The following CCDC50 variants were observed in gnomAD, a reference collection of about 807,000 sequenced individuals.
The protein encoded by CCDC50 is coiled-coil domain-containing protein 50.
A neutral mutation model predicts 70.2 loss-of-function variants in CCDC50; 54 were observed. That is an observed-to-expected ratio of 0.77 (90% CI 0.62 to 0.96). The LOEUF is 0.96. Ranked by LOEUF, CCDC50 falls within the 50% of genes least tolerant of loss-of-function variation. The probability of loss-of-function intolerance (pLI) is 0.00; values close to 1 mark genes in which losing one functional copy is unlikely to be tolerated. For synonymous variants in CCDC50, 216 were observed against 198.8 expected, an observed-to-expected ratio of 1.09 and a Z score of -0.73; for missense variants, 558 against 578.7, an observed-to-expected ratio of 0.96 and a Z score of 0.37.
chr3:191,397,682 GA>G lies in CCDC50; in HGVS notation c.*5923del, dbSNP rs1193693777. Reference sequence around the variant, plus strand: ...AATTTAGAAACGTGATCTCTTGAGAGAGAGACTACGCATTGCCTGGGCACTT... The same window carrying G: ...AATTTAGAAACGTGATCTCTTGAGAGGAGACTACGCATTGCCTGGGCACTT... On this transcript the variant is annotated 3_prime_UTR_variant, in exon 12 of 12. Coordinates refer to ENST00000392455, the MANE Select transcript of CCDC50 (RefSeq NM_178335.3). 1 of 106,098 alleles carries G rather than the reference GA, an allele frequency of 9.4e-6. No individual in the cohort carries two copies. Among genetic ancestry groups the G allele is most frequent in the Non-Finnish European group, 1.7e-5 (1 of 58,514 alleles). 6.6% of individuals were successfully genotyped at this position (106,098 alleles called of 1,614,324 possible).
At position 191,369,952 on chromosome 3, in the gene CCDC50, C is replaced by A. The variant is rs1451931877; in HGVS notation, c.364C>A (p.Gln122Lys). The A allele has an allele frequency of 1.9e-6, 3 of 1,613,326 alleles. No homozygotes were observed. Among genetic ancestry groups the A allele is most frequent in the Non-Finnish European group, 2.5e-6 (3 of 1,179,486 alleles). Residue 122 changes from glutamine to lysine, a missense_variant, in exon 5 of 12, where the codon CAG becomes AAG. Coordinates refer to ENST00000392455, the MANE Select transcript of CCDC50 (RefSeq NM_178335.3). Reference protein sequence around the residue: ...IARLLQEKELQEEKKRKKHFP... With the variant: ...IARLLQEKELKEEKKRKKHFP... ...TCGCCTTTTGCAAGAAAAGGAGTTA[C>A]AGGAAGAGAAAAAGAGAAAGAAACA...
chr3:191,336,306 A>G (rs1023064354), intron 1 of CCDC50, among the ~76,000 whole-genome samples: 1 of 152,126 alleles, frequency 6.6e-6, no homozygotes, highest in African/African-American at 2.4e-5. Flanking sequence ...GTTGTTCTGC[A>G]TCCTTGCTGG....
At chr3:191,351,010 A>AG (rs1712090795) in intron 1 of CCDC50, among the ~76,000 whole-genome samples, 1 of 140,134 alleles carries the variant, frequency 7.1e-6, no homozygotes, top group African/African-American at 2.5e-5. Flanking sequence ...GGGATGTGGC[A>AG]GGGGTTGGGA....
rs1290917937 is a variant in CCDC50, at chr3:191,396,937, C to T, written c.*5177C>T. The T allele has an allele frequency of 1.3e-5, 2 of 152,154 alleles. No homozygotes were observed. The highest frequency in any genetic ancestry group is 2.9e-5 in the Non-Finnish European group (2 of 68,024). 9.4% of individuals were successfully genotyped at this position (152,154 alleles called of 1,614,324 possible). A position where few individuals can be genotyped will look rare whatever the true frequency, so the allele number is the denominator to read the frequency against. ...GTAACATTTTAATAGATTTAAGATG[C>T]ATTTGTACATTCTCAGCAAACTAGA... On this transcript the variant is annotated 3_prime_UTR_variant, in exon 12 of 12. Coordinates refer to ENST00000392455, the MANE Select transcript of CCDC50 (RefSeq NM_178335.3).
intron 1 of CCDC50, among the ~76,000 whole-genome samples, chr3:191,346,626 CCTA>C (rs1446961524): frequency 6.6e-6 from 1 of 152,138 alleles, no homozygotes; most frequent in Non-Finnish European, 1.5e-5. Flanking sequence ...CTACAAAACA[CCTA>C]CATACACTCT....
chr3:191,380,355 A>G, intron 7 of CCDC50, 81 bp downstream of exon 7: 1 of 866,930 alleles, frequency 1.2e-6, no homozygotes, highest in Non-Finnish European at 1.9e-6. Context: ...AAATTATATT[A>G]ATAGTCCTCT....
At position 191,389,552 on chromosome 3, in the gene CCDC50, AC is replaced by A; in HGVS notation, c.1381del (p.Gln461SerfsTer41). On this transcript the variant is annotated frameshift_variant, in exon 11 of 12. Coordinates refer to ENST00000392455, the MANE Select transcript of CCDC50 (RefSeq NM_178335.3). LOFTEE classifies it high-confidence loss of function. ...GATGCGGATTACACTCATTTTACAAACCAGCAGAGTTCCACACGGCATTTCT... is the reference window on the plus strand; with the variant it reads ...GATGCGGATTACACTCATTTTACAAACAGCAGAGTTCCACACGGCATTTCT... ...GEDADYTHFTNQQSSTRHFSK... is the reference protein window; with the variant it reads ...GEDADYTHFTXQQSSTRHFSK... The A allele has an allele frequency of 6.2e-7, 1 of 1,614,078 alleles. No individual in the cohort carries two copies. Among genetic ancestry groups the A allele is most frequent in the Non-Finnish European group, 8.5e-7 (1 of 1,179,990 alleles).
At chr3:191,331,701 TG>T (rs1463464923) in intron 1 of CCDC50, among the ~76,000 whole-genome samples, 1 of 152,186 alleles carries the variant, frequency 6.6e-6, no homozygotes, top group Non-Finnish European at 1.5e-5. Context: ...CTAATGGTGG[TG>T]AAGTTTTTGA....
intron 4 of CCDC50, among the ~76,000 whole-genome samples, chr3:191,369,407 C>G (rs561080720): frequency 6.6e-6 from 1 of 152,130 alleles, no homozygotes; most frequent in East Asian, 1.9e-4. Flanking sequence ...CACTTAATGA[C>G]TGCTAAAAAT....
intron 4 of CCDC50, among the ~76,000 whole-genome samples, chr3:191,362,366 C>T (rs2108652452): frequency 6.6e-6 from 1 of 152,200 alleles, no homozygotes; most frequent in African/African-American, 2.4e-5. Context: ...CTCAAGCTGT[C>T]TTCCTGCCTC....
intron 1 of CCDC50, among the ~76,000 whole-genome samples, chr3:191,345,175 T>C (rs1019290286): frequency 9.9e-5 from 15 of 152,212 alleles, no homozygotes; most frequent in African/African-American, 3.6e-4. Context: ...CTTCTAAGAA[T>C]AGACAAGGTC....
At chr3:191,339,840 C>T (rs1349194539) in intron 1 of CCDC50, among the ~76,000 whole-genome samples, 1 of 152,152 alleles carries the variant, frequency 6.6e-6, no homozygotes, top group Non-Finnish European at 1.5e-5. Flanking sequence ...TTTTAAAAGG[C>T]ACCAGGTTGA....
intron 4 of CCDC50, among the ~76,000 whole-genome samples, chr3:191,363,106 A>T (rs1389775741): frequency 6.6e-6 from 1 of 151,730 alleles, no homozygotes; most frequent in African/African-American, 2.4e-5. Context: ...AGAGAAAAAC[A>T]GGATAGAAAG....
At chr3:191,331,078 G>GA (rs1244888238) in intron 1 of CCDC50, among the ~76,000 whole-genome samples, 1 of 152,170 alleles carries the variant, frequency 6.6e-6, no homozygotes, top group Admixed American at 6.5e-5. Flanking sequence ...CCATACTTTT[G>GA]AGAGTTCTTA....
At chr3:191,339,798 G>A (rs1711659584) in intron 1 of CCDC50, among the ~76,000 whole-genome samples, 1 of 152,206 alleles carries the variant, frequency 6.6e-6, no homozygotes, top group African/African-American at 2.4e-5. Context: ...GACTCTGTGA[G>A]AACTATTAGT....
intron 6 of CCDC50, among the ~76,000 whole-genome samples, chr3:191,376,652 G>A (rs987171749): frequency 2.0e-5 from 3 of 152,154 alleles, no homozygotes; most frequent in African/African-American, 7.2e-5. Context: ...AAGCCATTCT[G>A]AGTAGCTGCC....
chr3:191,383,416 CCT>C (rs1212017786), intron 10 of CCDC50, among the ~76,000 whole-genome samples: 2 of 149,332 alleles, frequency 1.3e-5, no homozygotes, highest in Non-Finnish European at 1.5e-5. Flanking sequence ...GGGGAAGTAA[CCT>C]CTTTTTTTTT....
intron 5 of CCDC50, among the ~76,000 whole-genome samples, chr3:191,371,876 T>TA (rs1255642140): frequency 2.6e-5 from 4 of 152,226 alleles, no homozygotes; most frequent in Admixed American, 6.5e-5. Flanking sequence ...AGCAAAGTGT[T>TA]ACTCTTCACC....
At chr3:191,364,820 T>G (rs974535739) in intron 4 of CCDC50, among the ~76,000 whole-genome samples, 14 of 152,068 alleles carry the variant, frequency 9.2e-5, no homozygotes, top group African/African-American at 3.4e-4. Flanking sequence ...CTCCTCACCT[T>G]CCCTCCCTTC....
Sources: gnomAD v4.1 joint callset for allele counts (sites outside exome capture counted in the v4.1 genomes callset) on GRCh38, gnomAD v4.1.1 for gene constraint, MANE v1.5 for transcripts, NCBI Gene and HGNC (gene_info 2026-07-23, HGNC 2026-07-21) for gene names.